The following GABRA2 variants were observed in gnomAD, a reference collection of about 807,000 sequenced individuals.
GABRA2 encodes gamma-aminobutyric acid type A receptor subunit alpha2.
GABRA2 carries 16 observed loss-of-function variants against 48.7 expected under a neutral mutation model. The observed-to-expected ratio is 0.33, with a 90% CI of 0.22 to 0.50. GABRA2 has a LOEUF of 0.50. GABRA2 is among the 20% of genes least tolerant of loss of function. The pLI is 0.98. For synonymous variants in GABRA2, 185 were observed against 184.5 expected (o/e 1.00, Z -0.02); for missense variants, 275 against 535.6 (o/e 0.51, Z 4.80).
intron 3 of GABRA2, among the ~76,000 whole-genome samples, chr4:46,333,114 G>C (rs1260696860): frequency 6.6e-6 from 1 of 152,032 alleles, no homozygotes; most frequent in African/African-American, 2.4e-5. Flanking sequence ...TTTACAGATT[G>C]TAAATCAGTA....
chr4:46,268,081 C>CAACAAT (rs1328023567), intron 8 of GABRA2, among the ~76,000 whole-genome samples: 1 of 151,662 alleles, frequency 6.6e-6, no homozygotes, highest in Non-Finnish European at 1.5e-5. Context: ...ACAACAACAA[C>CAACAAT]AACAATAACA....
At chr4:46,262,229 A>C in intron 8 of GABRA2, 101 bp from the exon 9 acceptor site, 2 of 679,984 alleles carry the variant, frequency 2.9e-6, no homozygotes, top group Admixed American at 2.7e-5. Context: ...AGCTTTTACT[A>C]CTCTTATCCA....
chr4:46,312,088 G>A (rs941771242), intron 5 of GABRA2, among the ~76,000 whole-genome samples: 1 of 152,094 alleles, frequency 6.6e-6, no homozygotes, highest in African/African-American at 2.4e-5. Context: ...GATAGAGCAA[G>A]TCTCCGCCTC....
rs1160175958 is a variant in GABRA2, at chr4:46,248,454, C to T, written c.*1854G>A. On this transcript the variant is annotated 3_prime_UTR_variant, in exon 10 of 10. Coordinates refer to ENST00000381620, the MANE Select transcript of GABRA2 (RefSeq NM_000807.4). Reference sequence around the variant, plus strand: ...AATTAAAGAAATACATTTATTGGCTCATGTAACAATTTTATTTTATTAAGG... The same window carrying T: ...AATTAAAGAAATACATTTATTGGCTTATGTAACAATTTTATTTTATTAAGG... 1 of 151,312 alleles carries T rather than the reference C, an allele frequency of 6.6e-6. No homozygotes were observed. The highest frequency in any genetic ancestry group is 1.5e-5 in the Non-Finnish European group (1 of 67,566). 9.4% of individuals were successfully genotyped at this position (151,312 alleles called of 1,614,324 possible).
At chr4:46,352,140 G>A (rs946379193) in intron 3 of GABRA2, among the ~76,000 whole-genome samples, 1 of 151,954 alleles carries the variant, frequency 6.6e-6, no homozygotes, top group East Asian at 1.9e-4. Context: ...CAGAACGTGG[G>A]ACGGTTAGAC....
chr4:46,256,045 ATGCTTTTTCT>A, intron 9 of GABRA2: 1 of 409,770 alleles, frequency 2.4e-6, no homozygotes, highest in East Asian at 3.5e-5. Context: ...GGGCAAATCT[ATGCTTTTTCT>A]ACCATACCAT....
intron 3 of GABRA2, among the ~76,000 whole-genome samples, chr4:46,338,109 TA>T (rs930748317): frequency 9.9e-5 from 15 of 151,944 alleles, no homozygotes; most frequent in African/African-American, 3.4e-4. Flanking sequence ...CACACCATTT[TA>T]AAACTGATTT....
chr4:46,344,195 A>G (rs1169835054), intron 3 of GABRA2, among the ~76,000 whole-genome samples: 1 of 152,042 alleles, frequency 6.6e-6, no homozygotes, highest in Non-Finnish European at 1.5e-5. Context: ...AGAAAATAGC[A>G]TACAGAGAGA....
intron 8 of GABRA2, among the ~76,000 whole-genome samples, chr4:46,276,561 C>G (rs1181849374): frequency 8.9e-6 from 1 of 112,548 alleles, no homozygotes; most frequent in Non-Finnish European, 1.8e-5. Context: ...CAAACAGAAA[C>G]ATAAAGAAGT....
At chr4:46,294,039 T>G (rs1470344600) in intron 8 of GABRA2, among the ~76,000 whole-genome samples, 3 of 152,226 alleles carry the variant, frequency 2.0e-5, no homozygotes, top group Non-Finnish European at 4.4e-5. Context: ...TCTCCATTCT[T>G]GTCCATAAGG....
intron 1 of GABRA2, chr4:46,389,321 C>T: frequency 2.0e-6 from 2 of 985,476 alleles, no homozygotes; most frequent in South Asian, 4.7e-5. Flanking sequence ...CCACGGTTGC[C>T]CAAGACCAAG....
chr4:46,250,563 A>G lies in GABRA2; in HGVS notation c.1101T>C (p.Tyr367=), dbSNP rs756281344. 9 of 1,611,524 alleles carry G rather than the reference A, an allele frequency of 5.6e-6. No homozygotes were observed. The South Asian group carries it at 8.8e-5, about 16-fold the overall frequency. ...KASVMIQNNA[Y]AVAVANYAPN... ...GGGCATAATTGGCAACAGCCACTGC[A>G]TAAGCGTTGTTCTGTATCATAACGG... Residue 367 remains tyrosine (Y), a synonymous_variant, in exon 10 of 10, where the codon TAT becomes TAC. Coordinates refer to ENST00000381620, the MANE Select transcript of GABRA2 (RefSeq NM_000807.4).
rs1392299011 is a variant in GABRA2, at chr4:46,249,414, T to G, written c.*894A>C. On this transcript the variant is annotated 3_prime_UTR_variant, in exon 10 of 10. Coordinates refer to ENST00000381620, the MANE Select transcript of GABRA2 (RefSeq NM_000807.4). ...CTATGAATTCTCATCAGTGGGAGTT[T>G]TTGGCACAATTTTCTAATCCAATAT... is the stretch of plus-strand genomic sequence containing the variant. 6.6e-6 allele frequency: 1 copy of G among 151,328 alleles called. No individual in the cohort carries two copies. The highest frequency in any genetic ancestry group is 1.5e-5 in the Non-Finnish European group (1 of 67,618). The allele number at this position is 151,328 out of a possible 1,614,324, so 9.4% of individuals were successfully genotyped here.
At chr4:46,273,660 T>C (rs2109418866) in intron 8 of GABRA2, among the ~76,000 whole-genome samples, 1 of 151,802 alleles carries the variant, frequency 6.6e-6, no homozygotes, top group South Asian at 2.1e-4. Flanking sequence ...AAGATGGAAA[T>C]AAATTTTCTC....
At chr4:46,262,927 GAA>G (rs1340037861) in intron 8 of GABRA2, among the ~76,000 whole-genome samples, 1 of 124,584 alleles carries the variant, frequency 8.0e-6, no homozygotes, top group African/African-American at 3.1e-5. Context: ...AAGAGAGAGA[GAA>G]AGAAAGAAGA....
chr4:46,288,001 G>T (rs575627944), intron 8 of GABRA2, among the ~76,000 whole-genome samples: 1 of 152,218 alleles, frequency 6.6e-6, no homozygotes, highest in South Asian at 2.1e-4. Flanking sequence ...GAGAGCTTAT[G>T]CAGGGAAACA....
intron 8 of GABRA2, among the ~76,000 whole-genome samples, chr4:46,293,919 A>G (rs190981645): frequency 1.3e-3 from 194 of 152,326 alleles, no homozygotes; most frequent in African/African-American, 4.4e-3. Context: ...AGCTTAACTA[A>G]GTGATGACTC....
At chr4:46,353,788 C>A (rs1286574494) in intron 3 of GABRA2, among the ~76,000 whole-genome samples, 1 of 152,110 alleles carries the variant, frequency 6.6e-6, no homozygotes, top group African/African-American at 2.4e-5. Flanking sequence ...GCTTCCAATT[C>A]TCCCACTTCT....
At chr4:46,322,205 T>A (rs1156348890) in intron 4 of GABRA2, among the ~76,000 whole-genome samples, 1 of 151,910 alleles carries the variant, frequency 6.6e-6, no homozygotes, top group Non-Finnish European at 1.5e-5. Flanking sequence ...GGACAGAACA[T>A]CTAGATGGCC....
Sources: gnomAD v4.1 joint callset for allele counts (sites outside exome capture counted in the v4.1 genomes callset) on GRCh38, gnomAD v4.1.1 for gene constraint, MANE v1.5 for transcripts, NCBI Gene and HGNC (gene_info 2026-07-23, HGNC 2026-07-21) for gene names.